The following TRABD2B variants were observed in gnomAD, a reference collection of about 807,000 sequenced individuals.
The protein encoded by TRABD2B is metalloprotease TIKI2.
Under a neutral mutation model 40.1 loss-of-function variants are expected in TRABD2B, and 14 were observed. That is an observed-to-expected ratio of 0.35 (90% CI 0.23 to 0.55). TRABD2B has a LOEUF of 0.55. TRABD2B is among the 20% of genes least tolerant of loss of function. The pLI is 0.90. For missense variants in TRABD2B, 541 were observed against 648.6 expected (o/e 0.83, Z 1.80); for synonymous variants, 263 against 277.0 (o/e 0.95, Z 0.50).
At chr1:47,796,797 T>C (rs1644755311) in intron 3 of TRABD2B, among the ~76,000 whole-genome samples, 1 of 152,138 alleles carries the variant, frequency 6.6e-6, no homozygotes, top group African/African-American at 2.4e-5. Flanking sequence ...CATACCCCCT[T>C]TGAAAGCGAT....
intron 2 of TRABD2B, among the ~76,000 whole-genome samples, chr1:47,932,104 T>C (rs1046120833): frequency 2.0e-5 from 3 of 152,232 alleles, no homozygotes; most frequent in Admixed American, 2.0e-4. Flanking sequence ...AAATTTAAGA[T>C]GCCTGGTGCA....
intron 2 of TRABD2B, among the ~76,000 whole-genome samples, chr1:47,934,706 T>C (rs1645083781): frequency 6.6e-6 from 1 of 152,198 alleles, no homozygotes; most frequent in Non-Finnish European, 1.5e-5. Context: ...CAAATGGGAC[T>C]GATGTCTCTG....
rs770750292 is a variant in TRABD2B, at chr1:47,994,210, C to T, written c.490G>A (p.Val164Ile). The T allele has an allele frequency of 2.5e-5, 38 of 1,546,146 alleles. No homozygotes were observed. The highest frequency in any genetic ancestry group is 9.6e-5 in the Admixed American group (5 of 52,006). Residue 164 changes from valine (V) to isoleucine (I), a missense_variant, in exon 2 of 7, where the codon GTC (valine) becomes ATC (isoleucine). Physicochemically the swap from Val to Ile is conservative, Grantham distance 29 (BLOSUM62 3). This residue lies in a region of TRABD2B where 369 missense variants were observed against 492.8 expected (regional missense o/e 0.75). Coordinates refer to ENST00000606738, the MANE Select transcript of TRABD2B (RefSeq NM_001194986.2). The surrounding 1 kb of genome is among the most constrained non-coding windows in gnomAD (Gnocchi z 6.7). The stretch of plus-strand genomic sequence containing the variant: ...GAGTTTACCATGAGCATCACCCAGA[C>T]GGGCCTCTTGCGCTCCCAGTTGCCC... The part of the protein sequence containing the change: ...IAGNWERKRP[V>I]WVMLMVNSLT...
intron 2 of TRABD2B, among the ~76,000 whole-genome samples, chr1:47,960,536 T>C (rs1570371246): frequency 6.6e-6 from 1 of 152,180 alleles, no homozygotes; most frequent in East Asian, 1.9e-4. Context: ...ACAAAATCAA[T>C]GTGCAAAAAT....
At chr1:47,908,334 A>G (rs1644705676) in intron 2 of TRABD2B, among the ~76,000 whole-genome samples, 1 of 152,210 alleles carries the variant, frequency 6.6e-6, no homozygotes, top group Non-Finnish European at 1.5e-5. Flanking sequence ...TGTGCCTTTT[A>G]CGATGATTAC....
At chr1:47,963,275 G>A (rs1041083006) in intron 2 of TRABD2B, among the ~76,000 whole-genome samples, 21 of 152,164 alleles carry the variant, frequency 1.4e-4, no homozygotes, top group Non-Finnish European at 2.1e-4. Flanking sequence ...TGAATACAGC[G>A]ACAGATGGCA....
chr1:47,995,311 A>C (rs1646073666), intron 1 of TRABD2B, among the ~76,000 whole-genome samples: 1 of 152,164 alleles, frequency 6.6e-6, no homozygotes, highest in Non-Finnish European at 1.5e-5. Context: ...AGTGCTTTAA[A>C]ATCTTGCAAG....
At chr1:47,937,135 T>G (rs1017453345) in intron 2 of TRABD2B, among the ~76,000 whole-genome samples, 4 of 147,116 alleles carry the variant, frequency 2.7e-5, no homozygotes, top group African/African-American at 7.6e-5. Flanking sequence ...ACCATCACCA[T>G]CATTACCACT....
chr1:47,908,638 T>C (rs1294362796), intron 2 of TRABD2B, among the ~76,000 whole-genome samples: 4 of 152,228 alleles, frequency 2.6e-5, no homozygotes, highest in African/African-American at 9.6e-5. Context: ...CCTTCCTCCA[T>C]TCTGTCTGCA....
intron 2 of TRABD2B, among the ~76,000 whole-genome samples, chr1:47,959,410 C>T (rs1281251032): frequency 1.3e-5 from 2 of 152,046 alleles, no homozygotes; most frequent in African/African-American, 4.8e-5. Context: ...TTCAAAAAAT[C>T]GATGAATCCA....
intron 2 of TRABD2B, among the ~76,000 whole-genome samples, chr1:47,828,376 T>C (rs765192313): frequency 2.0e-5 from 3 of 152,100 alleles, no homozygotes; most frequent in Non-Finnish European, 2.9e-5. Context: ...GGGGACAGTA[T>C]AGGCAGAGGG....
At chr1:47,913,447 T>A (rs7520317) in intron 2 of TRABD2B, among the ~76,000 whole-genome samples, 69,933 of 152,066 alleles carry the variant, frequency 0.46, 17,907 homozygotes, top group Middle Eastern at 0.62. Context: ...AGGCACCCAG[T>A]CGGTTCTAGG....
At chr1:47,798,690 G>A (rs908065718) in intron 3 of TRABD2B, among the ~76,000 whole-genome samples, 1 of 152,150 alleles carries the variant, frequency 6.6e-6, no homozygotes, top group African/African-American at 2.4e-5. Context: ...CCACCCCTCA[G>A]CATCCCCTCT....
At chr1:47,958,008 C>T (rs1380472539) in intron 2 of TRABD2B, among the ~76,000 whole-genome samples, 2 of 152,226 alleles carry the variant, frequency 1.3e-5, no homozygotes, top group Non-Finnish European at 2.9e-5. Context: ...AACAGCTGAT[C>T]TCTTGGCAGA....
intron 6 of TRABD2B, among the ~76,000 whole-genome samples, chr1:47,773,842 G>T (rs1362301319): frequency 5.9e-5 from 9 of 152,158 alleles, no homozygotes; most frequent in African/African-American, 1.9e-4. Flanking sequence ...AAGGATCAAT[G>T]GGCTTGACTC....
chr1:47,789,468 C>G (rs945621662), intron 4 of TRABD2B, among the ~76,000 whole-genome samples: 1 of 152,182 alleles, frequency 6.6e-6, no homozygotes, highest in Non-Finnish European at 1.5e-5. Context: ...TATACCATAA[C>G]GTTCCAGGCA....
At chr1:47,888,734 C>T (rs1644406104) in intron 2 of TRABD2B, among the ~76,000 whole-genome samples, 1 of 152,146 alleles carries the variant, frequency 6.6e-6, no homozygotes, top group South Asian at 2.1e-4. Context: ...GAGCATGAGG[C>T]CACTTCCAGG....
At chr1:47,852,271 C>T (rs552408046) in intron 2 of TRABD2B, among the ~76,000 whole-genome samples, 5 of 152,194 alleles carry the variant, frequency 3.3e-5, no homozygotes, top group East Asian at 1.9e-4. Flanking sequence ...GTAAGGCGTG[C>T]GGAGCTCCTG....
At chr1:47,944,464 G>A (rs1272385078) in intron 2 of TRABD2B, among the ~76,000 whole-genome samples, 1 of 152,210 alleles carries the variant, frequency 6.6e-6, no homozygotes, top group African/African-American at 2.4e-5. Flanking sequence ...CTCACTGGGA[G>A]TAATGCTTAC....
Sources: allele counts gnomAD v4.1 joint callset (sites outside exome capture counted in the v4.1 genomes callset), GRCh38; gene constraint gnomAD v4.1.1; regional missense constraint gnomAD v4.1.1; non-coding constraint Gnocchi (gnomAD v3.1); transcripts MANE v1.5; gene names NCBI Gene and HGNC (gene_info 2026-07-23, HGNC 2026-07-21).